FLT1: variants seen among roughly 807,000 people sequenced by gnomAD.
The protein encoded by FLT1 is fms related receptor tyrosine kinase 1.
A neutral mutation model predicts 156.3 loss-of-function variants in FLT1; 49 were observed. The ratio of observed to expected loss-of-function variants is 0.31; its 90% confidence interval spans 0.25 to 0.40. FLT1 has a LOEUF of 0.40. Ranked by LOEUF, FLT1 falls within the 10% of genes least tolerant of loss-of-function variation. FLT1 has a pLI of 1.00. For synonymous variants in FLT1, 594 were observed against 583.8 expected (o/e 1.02, Z -0.25); for missense variants, 1,322 against 1,637.2 (o/e 0.81, Z 3.32).
At chr13:28,426,599 A>G (rs1877354562) in intron 10 of FLT1, among the ~76,000 whole-genome samples, 1 of 152,188 alleles carries the variant, frequency 6.6e-6, no homozygotes, top group Non-Finnish European at 1.5e-5. Context: ...TGAATGAGGC[A>G]GTGAGGAGAG....
At chr13:28,443,277 G>A (rs1384287932) in intron 3 of FLT1, among the ~76,000 whole-genome samples, 1 of 152,214 alleles carries the variant, frequency 6.6e-6, no homozygotes, top group East Asian at 1.9e-4. Context: ...AGGGACCCTT[G>A]CTCAGAATGG....
intron 3 of FLT1, among the ~76,000 whole-genome samples, chr13:28,466,303 C>T (rs887529077): frequency 1.3e-5 from 2 of 152,052 alleles, no homozygotes; most frequent in African/African-American, 2.4e-5. Flanking sequence ...GATTTTTTTA[C>T]GAGTACCATA....
In FLT1 at chr13:28,486,398, G is replaced by C. The variant is rs562407495; in HGVS notation, c.64+8382C>G. Among the ~76,000 whole-genome samples the C allele has an allele frequency of 1.8e-4, 27 of 152,374 alleles. No individual in the cohort carries two copies. In the South Asian group the frequency reaches 5.6e-3, roughly 32 times the overall value. Reference sequence around the variant, plus strand: ...ATAGAATTCAGCCACCCAAGTGGGAGCCATACTGATCCCAGCACCGGAAAT... The same window carrying C: ...ATAGAATTCAGCCACCCAAGTGGGACCCATACTGATCCCAGCACCGGAAAT... On this transcript the variant is annotated intron_variant, in intron 1 of 29. Transcript: ENST00000282397.
At chr13:28,334,403 T>C (rs980807114) in intron 17 of FLT1, among the ~76,000 whole-genome samples, 4 of 152,190 alleles carry the variant, frequency 2.6e-5, no homozygotes, top group African/African-American at 9.7e-5. Flanking sequence ...TCCACAGCGT[T>C]CTCCCGTAGG....
intron 23 of FLT1, 71 bp from the exon 24 acceptor site, chr13:28,319,605 G>A (rs1215906687): frequency 7.0e-6 from 6 of 851,176 alleles, no homozygotes; most frequent in Non-Finnish European, 1.2e-5. Flanking sequence ...AGTGTCCATG[G>A]GGTCACCTCC....
intron 1 of FLT1, among the ~76,000 whole-genome samples, chr13:28,470,275 G>C (rs1398060139): frequency 6.6e-6 from 1 of 152,144 alleles, no homozygotes; most frequent in Non-Finnish European, 1.5e-5. Context: ...CCCAAAATCA[G>C]GGATCTGTGG....
At chr13:28,347,368 C>CA (rs34826467) in intron 15 of FLT1, among the ~76,000 whole-genome samples, 29,722 of 148,654 alleles carry the variant, frequency 0.2, 3,057 homozygotes, top group East Asian at 0.33. Context: ...ACTAAAAATA[C>CA]AAAAAAAAAA....
rs1871254619 is a variant in FLT1, at chr13:28,317,487, C to T, written c.3386+11G>A. The T allele has an allele frequency of 3.2e-6, 5 of 1,582,982 alleles. No homozygotes were observed. Among genetic ancestry groups the T allele is most frequent in the East Asian group, 2.2e-5 (1 of 44,752 alleles). ...CTGTCAGATGGGGAGCAGAGGGCAC[C>T]AAGGGCTCACATTTCAGGAGTAGAG... is the stretch of plus-strand genomic sequence containing the variant. On this transcript the variant is annotated intron_variant, in intron 25 of 29. Coordinates refer to ENST00000282397, the MANE Select transcript of FLT1 (RefSeq NM_002019.4).
chr13:28,412,329 C>CTCTTTCTTTCT (rs1555236455), intron 10 of FLT1, among the ~76,000 whole-genome samples: 55 of 89,014 alleles, frequency 6.2e-4, no homozygotes, highest in African/African-American at 2.2e-3. Context: ...TTCTTTCTTT[C>CTCTTTCTTTCT]TTTTCTTTCT....
At chr13:28,487,243 A>T (rs1439673839) in intron 1 of FLT1, among the ~76,000 whole-genome samples, 2 of 152,186 alleles carry the variant, frequency 1.3e-5, no homozygotes, top group East Asian at 3.8e-4. Flanking sequence ...CAGGCTGGGG[A>T]CCACGGCCCT....
chr13:28,308,897 C>T lies in FLT1; in HGVS notation c.3666G>A (p.Leu1222=), dbSNP rs755396275. 9.9e-6 allele frequency: 16 copies of T among 1,611,224 alleles called. No individual in the cohort carries two copies. The African/African-American group carries it at 1.9e-4, about 19-fold the overall frequency. The change falls in exon 28 of 30, where the codon CTG becomes CTA. Residue 1222 remains leucine (L), a synonymous_variant. Coordinates refer to ENST00000282397, the MANE Select transcript of FLT1 (RefSeq NM_002019.4). ...GTTCTTCAAAGGTTTTGATTCTTTC[C>T]AGGCTCATGAACTTGAAAGCATTTA... ...RYVNAFKFMS[L]ERIKTFEELL...
intron 18 of FLT1, among the ~76,000 whole-genome samples, chr13:28,333,221 C>A (rs1871994873): frequency 6.6e-6 from 1 of 152,240 alleles, no homozygotes; most frequent in African/African-American, 2.4e-5. Context: ...GCTTGCTGGG[C>A]TTCAAAATTT....
intron 11 of FLT1, among the ~76,000 whole-genome samples, chr13:28,403,929 C>T (rs925871902): frequency 6.6e-6 from 1 of 152,084 alleles, no homozygotes; most frequent in African/African-American, 2.4e-5. Flanking sequence ...GTAATCCCAG[C>T]TACTTGGGAG....
rs141378173 is a variant in FLT1 at position 28,427,871 on chromosome 13, C to T, written c.1157G>A (p.Arg386His). Residue 386 changes from arginine to histidine, a missense_variant, in exon 9 of 30, where the codon CGT becomes CAT. This residue lies in a region of FLT1 where 991 missense variants were observed against 1,254.8 expected (regional missense o/e 0.79). Coordinates refer to ENST00000282397, the MANE Select transcript of FLT1 (RefSeq NM_002019.4). Reference protein sequence around the residue: ...ATEKSARYLTRGYSLIIKDVT... With the variant: ...ATEKSARYLTHGYSLIIKDVT... ...GTCCTTGATAATTAACGAGTAGCCA[C>T]GAGTCAAATAGCGAGCAGATTTCTC... is the stretch of plus-strand genomic sequence containing the variant. The T allele has an allele frequency of 3.4e-5, 55 of 1,613,888 alleles. No individual in the cohort carries two copies. The African/African-American group carries it at 5.6e-4, about 16-fold the overall frequency.
intron 3 of FLT1, among the ~76,000 whole-genome samples, chr13:28,451,754 A>G (rs1878955264): frequency 1.3e-5 from 2 of 152,188 alleles, no homozygotes; most frequent in African/African-American, 2.4e-5. Context: ...CAGCTTCCTC[A>G]TCTGGAATGT....
At chr13:28,488,904 A>T (rs1204723195) in intron 1 of FLT1, among the ~76,000 whole-genome samples, 1 of 152,208 alleles carries the variant, frequency 6.6e-6, no homozygotes, top group African/African-American at 2.4e-5. Flanking sequence ...TGGGTTTAAG[A>T]GAGGGCAAGA....
At chr13:28,384,123 G>C (rs1874208668) in intron 14 of FLT1, among the ~76,000 whole-genome samples, 1 of 152,150 alleles carries the variant, frequency 6.6e-6, no homozygotes, top group South Asian at 2.1e-4. Context: ...CTTAACATCT[G>C]CGTAGATGAA....
chr13:28,328,551 T>G (rs1461804291), intron 19 of FLT1: 1 of 152,310 alleles, frequency 6.6e-6, no homozygotes, highest in Non-Finnish European at 1.5e-5. Context: ...GGGCTGGTCC[T>G]GGTGGAGTGG....
chr13:28,451,759 G>C (rs879680041), intron 3 of FLT1, among the ~76,000 whole-genome samples: 53 of 152,202 alleles, frequency 3.5e-4, no homozygotes, highest in South Asian at 8.3e-4. Flanking sequence ...TCCTCATCTG[G>C]AATGTGGGAC....
Sources: gnomAD v4.1 joint callset for allele counts (sites outside exome capture counted in the v4.1 genomes callset) on GRCh38, gnomAD v4.1.1 for gene constraint, gnomAD v4.1.1 regional missense constraint, MANE v1.5 for transcripts, NCBI Gene and HGNC (gene_info 2026-07-23, HGNC 2026-07-21) for gene names.